PGGT1B: variants seen among roughly 807,000 people sequenced by gnomAD.
PGGT1B encodes the protein geranylgeranyl transferase type-1 subunit beta.
A neutral mutation model predicts 46.1 loss-of-function variants in PGGT1B; 30 were observed. The observed-to-expected ratio is 0.65, with a 90% CI of 0.49 to 0.88. PGGT1B has a LOEUF of 0.88. Among genes scored for constraint, PGGT1B ranks in the 40% least tolerant of loss-of-function variants. PGGT1B has a pLI of 0.00. For synonymous variants in PGGT1B, 170 were observed against 160.0 expected (o/e 1.06, Z -0.47); for missense variants, 376 against 455.9 (o/e 0.82, Z 1.60).
Position 115,211,600 on chromosome 5 carries a change from A to G in PGGT1B, c.*802T>C, listed in dbSNP as rs919154330. The G allele has an allele frequency of 9.1e-5, 2 of 22,074 alleles. No individual in the cohort carries two copies. The highest frequency in any genetic ancestry group is 6.5e-4 in the African/African-American group (2 of 3,078). The allele number at this position is 22,074 out of a possible 1,614,324, so 1.4% of individuals were successfully genotyped here. On this transcript the variant is annotated 3_prime_UTR_variant, in exon 9 of 9. Transcript: ENST00000419445. ...AAGATTGTTTTCTTCCTAGAAAGCAAAAAAAAAAAAAAAAAAAAAAAGGCA... is the reference window on the plus strand; with the variant it reads ...AAGATTGTTTTCTTCCTAGAAAGCAGAAAAAAAAAAAAAAAAAAAAAGGCA...
At chr5:115,254,515 T>C (rs1014367026) in intron 1 of PGGT1B, among the ~76,000 whole-genome samples, 2 of 152,034 alleles carry the variant, frequency 1.3e-5, no homozygotes, top group South Asian at 4.1e-4. Context: ...AAACCGTTTC[T>C]GATTTTGGAG....
At position 115,232,065 on chromosome 5, in the gene PGGT1B, T is replaced by C. The variant is rs1253261701; in HGVS notation, c.613-1044A>G. Among the ~76,000 whole-genome samples the C allele has an allele frequency of 2.0e-5, 3 of 152,096 alleles. No individual in the cohort carries two copies. The East Asian group carries it at 5.8e-4, about 29-fold the overall frequency. ...TCAGTGATAAACCCACATGATGTTTTATTAAAAGGCATAACAGAAAGAGGG... is the reference window on the plus strand; with the variant it reads ...TCAGTGATAAACCCACATGATGTTTCATTAAAAGGCATAACAGAAAGAGGG... On this transcript the variant is annotated intron_variant, in intron 5 of 8. Coordinates refer to ENST00000419445, the MANE Select transcript of PGGT1B (RefSeq NM_005023.4).
intron 4 of PGGT1B, among the ~76,000 whole-genome samples, chr5:115,237,239 G>T (rs867155588): frequency 7.9e-4 from 120 of 152,310 alleles, no homozygotes; most frequent in African/African-American, 2.7e-3. Flanking sequence ...GCTATTAGTA[G>T]ATGGAGCACA....
chr5:115,214,817 TA>T (rs1756363145), intron 8 of PGGT1B, among the ~76,000 whole-genome samples: 1 of 152,212 alleles, frequency 6.6e-6, no homozygotes. Context: ...CATTATTTGT[TA>T]AAACAGTACC....
chr5:115,226,313 A>C (rs973623437), intron 6 of PGGT1B, among the ~76,000 whole-genome samples: 3 of 152,168 alleles, frequency 2.0e-5, no homozygotes, highest in Non-Finnish European at 4.4e-5. Context: ...AGATTAGGGA[A>C]GCTTAATTGG....
At chr5:115,242,255 T>C (rs1162964142) in intron 2 of PGGT1B, among the ~76,000 whole-genome samples, 1 of 152,196 alleles carries the variant, frequency 6.6e-6, no homozygotes, top group Non-Finnish European at 1.5e-5. Flanking sequence ...AAAATTTTCA[T>C]TTCTCAAGAT....
chr5:115,262,846 C>T lies in PGGT1B; in HGVS notation c.6G>A (p.Ala2=), dbSNP rs1748627565. The T allele has an allele frequency of 6.2e-7, 1 of 1,612,140 alleles. No homozygotes were observed. M[A]ATEDERLAGS... is the part of the protein sequence containing the mutation. Reference sequence around the variant, plus strand: ...CTGCTAGCCTCTCATCCTCAGTGGCCGCCATGCTGCTCCGGAAGCGACGTC... The same window carrying T: ...CTGCTAGCCTCTCATCCTCAGTGGCTGCCATGCTGCTCCGGAAGCGACGTC... Residue 2 remains alanine (A), a synonymous_variant, in exon 1 of 9, where the codon GCG becomes GCA. Transcript: ENST00000419445.
At chr5:115,248,730 C>T (rs1039945967) in intron 2 of PGGT1B, among the ~76,000 whole-genome samples, 1 of 152,126 alleles carries the variant, frequency 6.6e-6, no homozygotes, top group South Asian at 2.1e-4. Context: ...ACATTGAAAC[C>T]TGGAGTCAGA....
intron 8 of PGGT1B, among the ~76,000 whole-genome samples, chr5:115,213,959 A>T (rs1190776464): frequency 1.3e-5 from 2 of 152,198 alleles, no homozygotes; most frequent in Non-Finnish European, 2.9e-5. Flanking sequence ...ATCACCTTTT[A>T]GGCCTTTTCA....
In PGGT1B at chr5:115,253,159, C is replaced by T; in HGVS notation, c.237G>A (p.Leu79=). 6.2e-7 allele frequency: 1 copy of T among 1,605,966 alleles called. No individual in the cohort carries two copies. Among genetic ancestry groups the T allele is most frequent in the Non-Finnish European group, 8.5e-7 (1 of 1,176,822 alleles). ...KDDIIEWIYS[L]QVLPTEDRSN... ...CACTGTCTTCTGTGGGAAGGACCTG[C>T]AGGGAATAAATCCACTCTATTATAT... The change falls in exon 2 of 9, where the codon CTG becomes CTA. Residue 79 remains leucine (L), a synonymous_variant. Coordinates refer to ENST00000419445, the MANE Select transcript of PGGT1B (RefSeq NM_005023.4).
intron 2 of PGGT1B, among the ~76,000 whole-genome samples, chr5:115,252,263 G>C (rs115880293): frequency 6.6e-6 from 1 of 152,062 alleles, no homozygotes; most frequent in African/African-American, 2.4e-5. Context: ...AATAGGCATA[G>C]ATTTAAAAAG....
At chr5:115,249,823 T>C (rs986972584) in intron 2 of PGGT1B, among the ~76,000 whole-genome samples, 3 of 152,232 alleles carry the variant, frequency 2.0e-5, no homozygotes, top group Admixed American at 6.5e-5. Flanking sequence ...CTCTACCTTA[T>C]TTACTGCATA....
chr5:115,221,927 C>T lies in PGGT1B; in HGVS notation c.740G>A (p.Arg247Lys), dbSNP rs1756601780. The T allele has an allele frequency of 6.2e-7, 1 of 1,606,072 alleles. No homozygotes were observed. Among genetic ancestry groups the T allele is most frequent in the Non-Finnish European group, 8.5e-7 (1 of 1,175,914 alleles). ...CCTCATTATACACCACCTCTTTATC[C>T]TGTTCAATTCTTTTTCTGAAAAAAC... ...EEVFSEKELN[R>K]IKRWCIMRQQ... The change falls in exon 7 of 9, where the codon AGG becomes AAG. Residue 247 changes from arginine to lysine, a missense_variant. Arg to Lys is a conservative substitution (Grantham distance 26, BLOSUM62 2). Around this residue, in one of 2 missense-constraint regions of PGGT1B, gnomAD observed 222 missense variants for 313.6 expected, o/e 0.71. Transcript: ENST00000419445.
At chr5:115,251,128 A>C (rs1748075773) in intron 2 of PGGT1B, among the ~76,000 whole-genome samples, 1 of 152,148 alleles carries the variant, frequency 6.6e-6, no homozygotes, top group Non-Finnish European at 1.5e-5. Context: ...TATACACTAG[A>C]ACTGTTGGGT....
intron 6 of PGGT1B, among the ~76,000 whole-genome samples, chr5:115,227,837 C>T (rs1269471525): frequency 6.6e-6 from 1 of 152,120 alleles, no homozygotes; most frequent in Non-Finnish European, 1.5e-5. Context: ...TTCAATGAGA[C>T]TGTATGTAAA....
At chr5:115,220,493 T>G (rs1756555024) in intron 7 of PGGT1B, among the ~76,000 whole-genome samples, 1 of 151,860 alleles carries the variant, frequency 6.6e-6, no homozygotes, top group Non-Finnish European at 1.5e-5. Context: ...GGATTTATGT[T>G]GGGTATAATG....
Position 115,252,541 on chromosome 5 carries a change from T to C in PGGT1B, c.259+596A>G, listed in dbSNP as rs557356054. On this transcript the variant is annotated intron_variant, in intron 2 of 8. Coordinates refer to ENST00000419445, the MANE Select transcript of PGGT1B (RefSeq NM_005023.4). ...TAAGTTATATCTATCTTAGATATTTTATACTTAATAGAGTGAATAACAGAG... is the reference window on the plus strand; with the variant it reads ...TAAGTTATATCTATCTTAGATATTTCATACTTAATAGAGTGAATAACAGAG... Among the ~76,000 whole-genome samples the C allele has an allele frequency of 7.9e-5, 12 of 152,148 alleles. No individual in the cohort carries two copies. In the South Asian group the frequency reaches 2.5e-3, roughly 32 times the overall value.
intron 8 of PGGT1B, 26 bp from the exon 9 acceptor site, chr5:115,212,609 A>G (rs1580739600): frequency 1.3e-6 from 2 of 1,491,488 alleles, no homozygotes; most frequent in South Asian, 1.2e-5. Flanking sequence ...TTAAAACATC[A>G]TAATAGGCAT....
intron 3 of PGGT1B, 64 bp downstream of exon 3, chr5:115,241,475 T>G: frequency 9.8e-7 from 1 of 1,020,604 alleles, no homozygotes; most frequent in Non-Finnish European, 1.4e-6. Flanking sequence ...AACTTCTTAG[T>G]TTTCTCTTTT....
Sources: gnomAD v4.1 joint callset for allele counts (sites outside exome capture counted in the v4.1 genomes callset) on GRCh38, gnomAD v4.1.1 for gene constraint, gnomAD v4.1.1 regional missense constraint, MANE v1.5 for transcripts, NCBI Gene and HGNC (gene_info 2026-07-23, HGNC 2026-07-21) for gene names.